The following COL4A3 variants were observed in gnomAD, a reference collection of about 807,000 sequenced individuals.
The protein encoded by COL4A3 is collagen alpha-3(IV) chain.
COL4A3 carries 135 observed loss-of-function variants against 217.4 expected under a neutral mutation model. The observed-to-expected ratio is 0.62, with a 90% CI of 0.54 to 0.72. The LOEUF (loss-of-function observed/expected upper bound fraction) is 0.72. Among genes scored for constraint, COL4A3 ranks in the 30% least tolerant of loss-of-function variants. COL4A3 has a pLI of 0.00. For synonymous variants in COL4A3, 690 were observed against 736.3 expected, an observed-to-expected ratio of 0.94 and a Z score of 1.02; for missense variants, 1,868 against 2,119.9, an observed-to-expected ratio of 0.88 and a Z score of 2.33.
intron 1 of COL4A3, among the ~76,000 whole-genome samples, chr2:227,222,838 G>A (rs1261830979): frequency 6.6e-6 from 1 of 152,158 alleles, no homozygotes; most frequent in African/African-American, 2.4e-5. Context: ...GCCCCATGGG[G>A]GCCAATGGCC....
At chr2:227,202,748 T>A (rs1332898443) in intron 1 of COL4A3, among the ~76,000 whole-genome samples, 974 of 9,176 alleles carry the variant, frequency 0.11, 37 homozygotes, top group African/African-American at 0.26. Flanking sequence ...AAAAAAAAAA[T>A]ATATATATAT....
intron 26 of COL4A3, among the ~76,000 whole-genome samples, chr2:227,273,665 C>T (rs1443037684): frequency 6.6e-6 from 1 of 152,138 alleles, no homozygotes; most frequent in African/African-American, 2.4e-5. Context: ...CTTGCTTCAG[C>T]CTCCCAAAGT....
At chr2:227,219,036 C>T (rs1247812381) in intron 1 of COL4A3, among the ~76,000 whole-genome samples, 2 of 152,072 alleles carry the variant, frequency 1.3e-5, no homozygotes, top group African/African-American at 2.4e-5. Context: ...GCTCTGTCCC[C>T]CAGGCTGGAG....
At chr2:227,204,460 A>G (rs2067023659) in intron 1 of COL4A3, among the ~76,000 whole-genome samples, 1 of 151,914 alleles carries the variant, frequency 6.6e-6, no homozygotes, top group South Asian at 2.1e-4. Flanking sequence ...AGTGACTCTC[A>G]CAAACATTGC....
intron 43 of COL4A3, among the ~76,000 whole-genome samples, chr2:227,302,776 C>G (rs1278218909): frequency 2.1e-5 from 3 of 144,904 alleles, no homozygotes; most frequent in African/African-American, 7.8e-5. Flanking sequence ...ACTAAAACAA[C>G]ATACACCAAC....
intron 1 of COL4A3, among the ~76,000 whole-genome samples, chr2:227,218,922 G>A (rs539846944): frequency 6.6e-6 from 1 of 151,994 alleles, no homozygotes; most frequent in South Asian, 2.1e-4. Context: ...AACAGATGTT[G>A]CCATTATGTG....
At chr2:227,210,419 C>A (rs551789135) in intron 1 of COL4A3, among the ~76,000 whole-genome samples, 8,114 of 140,424 alleles carry the variant, frequency 0.058, 563 homozygotes, top group East Asian at 0.16. Flanking sequence ...GGTGAAACCC[C>A]ATCTCTACTA....
intron 18 of COL4A3, chr2:227,259,306 A>G (rs2125954244): frequency 6.5e-6 from 1 of 153,588 alleles, no homozygotes; most frequent in South Asian, 2.0e-4. Flanking sequence ...GAAACAATAA[A>G]TACAGTATTT....
intron 43 of COL4A3, among the ~76,000 whole-genome samples, chr2:227,299,285 C>G (rs1445175488): frequency 2.0e-5 from 3 of 152,228 alleles, no homozygotes; most frequent in Non-Finnish European, 4.4e-5. Flanking sequence ...GTCCCAGCTA[C>G]TCAGGAGGCT....
At chr2:227,223,557 G>GA (rs1327543720) in intron 1 of COL4A3, among the ~76,000 whole-genome samples, 1 of 110,608 alleles carries the variant, frequency 9.0e-6, no homozygotes. Context: ...AACATGGTGA[G>GA]ACGCCCCCCC....
chr2:227,199,089 G>A (rs2066587889), intron 1 of COL4A3, among the ~76,000 whole-genome samples: 1 of 152,130 alleles, frequency 6.6e-6, no homozygotes, highest in Non-Finnish European at 1.5e-5. Flanking sequence ...CAGATTAGGA[G>A]CAAACTGAAT....
At chr2:227,176,177 T>C (rs1345320760) in intron 1 of COL4A3, among the ~76,000 whole-genome samples, 1 of 152,196 alleles carries the variant, frequency 6.6e-6, no homozygotes, top group Non-Finnish European at 1.5e-5. Flanking sequence ...TTTAATTGAT[T>C]TGGTGCCATT....
At chr2:227,281,854 G>A (rs1284866696) in intron 31 of COL4A3, 4 of 152,492 alleles carry the variant, frequency 2.6e-5, no homozygotes, top group Non-Finnish European at 5.9e-5. Flanking sequence ...GAGAATGTTA[G>A]AGCCAGAAGG....
chr2:227,279,503 A>G, intron 28 of COL4A3: 5 of 401,286 alleles, frequency 1.2e-5, no homozygotes, highest in East Asian at 5.3e-5. Flanking sequence ...TATGTAAAAA[A>G]TACTTCAAAA....
At position 227,250,453 on chromosome 2, in the gene COL4A3, G is replaced by A. The variant is rs142422343; in HGVS notation, c.547-687G>A. 1.7e-3 allele frequency among the ~76,000 whole-genome samples: 254 copies of A among 152,262 alleles called. 2 individuals are homozygous for A. The Middle Eastern group carries it at 0.02, about 12-fold the overall frequency. ...AGTCCCAGCTACTTGGGAAAGCTGA[G>A]ACAGGAAGGTCTCTTGAGCCTAGTT... On this transcript the variant is annotated intron_variant, in intron 9 of 51. Transcript: ENST00000396578. This position sits in a 1 kb window ranked among gnomAD's most constrained non-coding sequence, Gnocchi z 4.1.
At chr2:227,264,037 A>C (rs2070748059) in intron 21 of COL4A3, 93 bp downstream of exon 21, 11 of 1,447,296 alleles carry the variant, frequency 7.6e-6, no homozygotes, top group Non-Finnish European at 9.7e-6. Flanking sequence ...CAGCTTAGCC[A>C]TCAGTCTGTG....
intron 7 of COL4A3, among the ~76,000 whole-genome samples, chr2:227,247,246 T>C (rs991891771): frequency 3.9e-5 from 6 of 152,136 alleles, no homozygotes; most frequent in Non-Finnish European, 8.8e-5. Context: ...CATGTTGGCA[T>C]TGGTTTTAGC....
intron 9 of COL4A3, 67 bp downstream of exon 9, chr2:227,248,587 T>C: frequency 9.5e-7 from 1 of 1,048,284 alleles, no homozygotes; most frequent in South Asian, 1.3e-5. Context: ...TTTTCGCCTC[T>C]CTTTACTTCG....
intron 46 of COL4A3, 77 bp from the exon 47 acceptor site, chr2:227,304,908 T>G: frequency 8.5e-7 from 1 of 1,182,960 alleles, no homozygotes; most frequent in Non-Finnish European, 1.2e-6. Context: ...GAGAAAGTCC[T>G]GGGTTAACGG....
Sources: allele counts gnomAD v4.1 joint callset (sites outside exome capture counted in the v4.1 genomes callset), GRCh38; gene constraint gnomAD v4.1.1; non-coding constraint Gnocchi (gnomAD v3.1); transcripts MANE v1.5; gene names NCBI Gene and HGNC (gene_info 2026-07-23, HGNC 2026-07-21).